Variants in NMRK2 observed in about 807,000 individuals in gnomAD.
The protein encoded by NMRK2 is NRK 2.
In NMRK2, 34 loss-of-function variants were observed where a neutral mutation model predicts 24.7. The observed-to-expected ratio is 1.37, with a 90% confidence interval of 1.05 to 1.83. The LOEUF (loss-of-function observed/expected upper bound fraction) is 1.83, where lower values mean the gene tolerates loss of function less well. Among genes scored for constraint, NMRK2 ranks in the 40% most tolerant of loss-of-function variants. The pLI is 0.00. For missense variants in NMRK2, 341 were observed against 315.0 expected (o/e 1.08, Z -0.62); for synonymous variants, 145 against 125.6 (o/e 1.15, Z -1.03).
At chr19:3,941,249 CTT>C (rs34077521) in intron 7 of NMRK2, 72 bp downstream of exon 7, 33,080 of 272,754 alleles carry the variant, frequency 0.12, 35 homozygotes, top group South Asian at 0.2. Context: ...CCCTCTCCAT[CTT>C]TTTTTTTTTT....
In NMRK2 at chr19:3,933,574, T is replaced by C; in HGVS notation, c.-98T>C. 1.0e-5 allele frequency: 15 copies of C among 1,431,262 alleles called. No homozygotes were observed. The highest frequency in any genetic ancestry group is 1.4e-5 in the Non-Finnish European group (15 of 1,071,032). The allele number at this position is 1,431,262 out of a possible 1,614,324, so 88.7% of individuals were successfully genotyped here. A position where few individuals can be genotyped will look rare whatever the true frequency, so the allele number is the denominator to read the frequency against. On this transcript the variant is annotated 5_prime_UTR_variant, in exon 2 of 8. Coordinates refer to ENST00000168977, the MANE Select transcript of NMRK2 (RefSeq NM_170678.3). ...GCCGAGACCTATAAAGGCGCCAGGT[T>C]TTCTCAATGAAGCCGGGACGCACTC...
chr19:3,936,404 T>C (rs1213931034), intron 2 of NMRK2, among the ~76,000 whole-genome samples, 171 bp from the exon 3 acceptor site: 1 of 142,682 alleles, frequency 7.0e-6, no homozygotes, highest in East Asian at 2.0e-4. Flanking sequence ...CAAGACTTGG[T>C]CTCAAAAAAA....
Position 3,942,102 on chromosome 19 carries a change from G to A in NMRK2, c.522G>A (p.Lys174=). 6.2e-7 allele frequency: 1 copy of A among 1,613,246 alleles called. No homozygotes were observed. The highest frequency in any genetic ancestry group is 8.5e-7 in the Non-Finnish European group (1 of 1,179,974). Residue 174 remains lysine (K), a synonymous_variant, in exon 8 of 8, where the codon AAG becomes AAA. Coordinates refer to ENST00000168977, the MANE Select transcript of NMRK2 (RefSeq NM_170678.3). ...TTTCAGTCTACCTGGACGGCATGAAGTCCCGAGAGGAGCTCTTCCGTGAAG... is the reference window on the plus strand; with the variant it reads ...TTTCAGTCTACCTGGACGGCATGAAATCCCGAGAGGAGCTCTTCCGTGAAG... ...GVEVVYLDGM[K]SREELFREVL...
chr19:3,933,976 G>T (rs1390234255), intron 2 of NMRK2, among the ~76,000 whole-genome samples: 1 of 152,084 alleles, frequency 6.6e-6, no homozygotes, highest in African/African-American at 2.4e-5. Context: ...GACCAGACAC[G>T]GTGGCTCAGG....
Position 3,941,111 on chromosome 19 carries a change from G to A in NMRK2, c.436G>A (p.Asp146Asn), listed in dbSNP as rs747611563. Residue 146 changes from aspartate to asparagine, a missense_variant, in exon 7 of 8, where the codon GAT (aspartate) becomes AAT (asparagine). Transcript: ENST00000168977. Reference sequence around the variant, plus strand: ...AGTCCCTGATCCCCCCGGCCTCTTCGATGGCCACGTGTGGCCCATGTACCA... The same window carrying A: ...AGTCCCTGATCCCCCCGGCCTCTTCAATGGCCACGTGTGGCCCATGTACCA... ...YTVPDPPGLF[D>N]GHVWPMYQKY... 34 of 1,575,242 alleles carry A rather than the reference G, an allele frequency of 2.2e-5. No homozygotes were observed. Among genetic ancestry groups the A allele is most frequent in the African/African-American group, 1.2e-4 (9 of 73,636 alleles).
At position 3,939,942 on chromosome 19, in the gene NMRK2, C is replaced by G. The variant is rs2145304717; in HGVS notation, c.366C>G (p.Val122=). Residue 122 remains valine (V), a synonymous_variant, in exon 6 of 8, where the codon GTC becomes GTG. Coordinates refer to ENST00000168977, the MANE Select transcript of NMRK2 (RefSeq NM_170678.3). ...ACAGCCGCCGGTACTTCCTGACCGT[C>G]CCGTATGAAGAGTGCAAGTGGAGGA... is the stretch of plus-strand genomic sequence containing the variant. The part of the protein sequence containing the change: ...DLYSRRYFLT[V]PYEECKWRRS... The G allele has an allele frequency of 6.2e-7, 1 of 1,612,270 alleles. No homozygotes were observed. Among genetic ancestry groups the G allele is most frequent in the Non-Finnish European group, 8.5e-7 (1 of 1,178,506 alleles).
chr19:3,939,631 G>A (rs1228668914), intron 5 of NMRK2, among the ~76,000 whole-genome samples: 5 of 152,256 alleles, frequency 3.3e-5, no homozygotes, highest in Middle Eastern at 3.4e-3. Flanking sequence ...CCTAGGCTGC[G>A]CCCTCTGGCT....
chr19:3,942,067 G>A lies in NMRK2; in HGVS notation c.503-16G>A. The A allele has an allele frequency of 2.5e-6, 4 of 1,609,808 alleles. No homozygotes were observed. Among genetic ancestry groups the A allele is most frequent in the Non-Finnish European group, 3.4e-6 (4 of 1,177,208 alleles). On this transcript the variant is annotated splice_polypyrimidine_tract_variant and intron_variant, in intron 7 of 7. Transcript: ENST00000168977. ...CCTTCCTCCCGGCAGCCCTGACGCA[G>A]CCTTTCTGATTTCAGTCTACCTGGA...
chr19:3,941,923 G>T (rs542278443), intron 7 of NMRK2, among the ~76,000 whole-genome samples, 160 bp from the exon 8 acceptor site: 3 of 152,266 alleles, frequency 2.0e-5, no homozygotes, highest in African/African-American at 7.2e-5. Context: ...TTACAGGTGT[G>T]AGCCACCGCG....
intron 7 of NMRK2, among the ~76,000 whole-genome samples, chr19:3,941,862 C>G (rs930194646): frequency 1.3e-5 from 2 of 152,178 alleles, no homozygotes; most frequent in Admixed American, 6.5e-5. Flanking sequence ...AGGCTGGTTT[C>G]GAACTCCTGA....
chr19:3,935,621 C>T (rs1039651765), intron 2 of NMRK2, among the ~76,000 whole-genome samples: 1 of 151,612 alleles, frequency 6.6e-6, no homozygotes, highest in African/African-American at 2.4e-5. Flanking sequence ...TCACTCTCAC[C>T]CAGACTGAAC....
intron 2 of NMRK2, among the ~76,000 whole-genome samples, chr19:3,935,688 T>A (rs2039201290): frequency 6.6e-6 from 1 of 151,938 alleles, no homozygotes; most frequent in African/African-American, 2.4e-5. Flanking sequence ...CAGGCGATCC[T>A]CCCATCTCAG....
Position 3,942,049 on chromosome 19 carries a change from C to T in NMRK2, c.503-34C>T, listed in dbSNP as rs374893164. ...CCCCCCGTGCTCTGGCCCCCTTCCTCCCGGCAGCCCTGACGCAGCCTTTCT... is the reference window on the plus strand; with the variant it reads ...CCCCCCGTGCTCTGGCCCCCTTCCTTCCGGCAGCCCTGACGCAGCCTTTCT... On this transcript the variant is annotated intron_variant, in intron 7 of 7. Transcript: ENST00000168977. 1.1e-5 allele frequency: 18 copies of T among 1,595,870 alleles called. No individual in the cohort carries two copies. In the African/African-American group the frequency reaches 2.4e-4, roughly 21 times the overall value.
At position 3,933,604 on chromosome 19, in the gene NMRK2, G is replaced by A. The variant is rs1599157039; in HGVS notation, c.-68G>A. 1.3e-6 allele frequency: 2 copies of A among 1,498,662 alleles called. No individual in the cohort carries two copies. Among genetic ancestry groups the A allele is most frequent in the African/African-American group, 2.9e-5 (2 of 69,750 alleles). The allele number at this position is 1,498,662 out of a possible 1,614,324, so 92.8% of individuals were successfully genotyped here. The stretch of plus-strand genomic sequence containing the variant: ...CAATGAAGCCGGGACGCACTCCGGA[G>A]CGCACTGCGTGGTCGCACCCTACCC... On this transcript the variant is annotated 5_prime_UTR_variant, in exon 2 of 8. Transcript: ENST00000168977.
Sources: gnomAD v4.1 joint callset for allele counts (sites outside exome capture counted in the v4.1 genomes callset) on GRCh38, gnomAD v4.1.1 for gene constraint, MANE v1.5 for transcripts, NCBI Gene and HGNC (gene_info 2026-07-23, HGNC 2026-07-21) for gene names.